Variants in THOC2 observed in about 807,000 individuals in gnomAD.
THOC2 encodes THO complex 2.
Under a neutral mutation model 128.4 loss-of-function variants are expected in THOC2, and 10 were observed. The ratio of observed to expected loss-of-function variants is 0.08; its 90% confidence interval spans 0.05 to 0.13. The LOEUF (loss-of-function observed/expected upper bound fraction) is 0.13. THOC2 is among the 10% of genes least tolerant of loss of function. THOC2 has a pLI of 1.00. For missense variants in THOC2, 535 were observed against 1,155.7 expected (o/e 0.46, Z 7.79); for synonymous variants, 393 against 396.9 (o/e 0.99, Z 0.12).
At chrX:123,662,079 T>C (rs16997466) in intron 12 of THOC2, among the ~76,000 whole-genome samples, 2,859 of 112,336 alleles carry the variant, frequency 0.025, 82 homozygotes, top group African/African-American at 0.087. Context: ...ACAATAGCCG[T>C]TAGTATTTCT....
At chrX:123,656,330 TAAA>T (rs758091588) in intron 12 of THOC2, among the ~76,000 whole-genome samples, 3 of 37,963 alleles carry the variant, frequency 7.9e-5, no homozygotes, top group African/African-American at 2.1e-4. Flanking sequence ...AGACTCCGTC[TAAA>T]AAAAAAAAAA....
intron 38 of THOC2, among the ~76,000 whole-genome samples, chrX:123,609,179 C>T (rs1055854666): frequency 9.0e-6 from 1 of 111,685 alleles, no homozygotes; most frequent in African/African-American, 3.3e-5. Flanking sequence ...CATGTGACAG[C>T]AAAATGCCAG....
At chrX:123,716,763 T>A (rs1372955752) in intron 1 of THOC2, among the ~76,000 whole-genome samples, 1 of 102,185 alleles carries the variant, frequency 9.8e-6, no homozygotes, top group Admixed American at 1.1e-4. Context: ...CCGAGTGTGA[T>A]GGCGTGCGTC....
chrX:123,675,134 T>C (rs2049433948), intron 8 of THOC2, among the ~76,000 whole-genome samples: 1 of 112,406 alleles, frequency 8.9e-6, no homozygotes, highest in African/African-American at 3.2e-5. Context: ...ACCAGTGTTC[T>C]TTCTTTGGCT....
intron 1 of THOC2, among the ~76,000 whole-genome samples, chrX:123,722,406 T>C (rs2051742656): frequency 9.0e-6 from 1 of 111,675 alleles, no homozygotes; most frequent in South Asian, 3.8e-4. Flanking sequence ...GATGAGTTCA[T>C]GTCCTTTGCA....
intron 9 of THOC2, among the ~76,000 whole-genome samples, chrX:123,669,505 G>A (rs192006122): frequency 9.1e-6 from 1 of 110,336 alleles, no homozygotes; most frequent in Admixed American, 9.7e-5. Flanking sequence ...TAGTAGAGAT[G>A]GGATTTCAGC....
chrX:123,608,380 G>A (rs1167558139), intron 38 of THOC2, among the ~76,000 whole-genome samples: 16 of 100,464 alleles, frequency 1.6e-4, no homozygotes, highest in Non-Finnish European at 4.0e-5. Context: ...CAGCCTGGGC[G>A]ACAGAGTGAG....
intron 1 of THOC2, among the ~76,000 whole-genome samples, chrX:123,716,219 A>T (rs746878805): frequency 9.0e-4 from 102 of 113,028 alleles, no homozygotes; most frequent in Non-Finnish European, 1.7e-3. Flanking sequence ...AAATCACTTG[A>T]TCATCTCATT....
chrX:123,663,873 T>C (rs755797677), intron 12 of THOC2, among the ~76,000 whole-genome samples: 76 of 111,325 alleles, frequency 6.8e-4, no homozygotes, highest in Non-Finnish European at 1.3e-3. Flanking sequence ...ATGCGGTGTT[T>C]GGTTTTTTGT....
At chrX:123,636,257 A>C in intron 18 of THOC2, 82 bp from the exon 19 acceptor site, 1 of 695,886 alleles carries the variant, frequency 1.4e-6, no homozygotes, top group Non-Finnish European at 2.2e-6. Flanking sequence ...CTAAAACAAA[A>C]TGAGGTAGCA....
intron 12 of THOC2, among the ~76,000 whole-genome samples, chrX:123,655,025 C>T (rs770264864): frequency 1.1e-4 from 12 of 110,555 alleles, no homozygotes; most frequent in Non-Finnish European, 1.7e-4. Flanking sequence ...ATCTATTTTT[C>T]GTATCCCTGC....
At chrX:123,661,373 C>G (rs190317587) in intron 12 of THOC2, among the ~76,000 whole-genome samples, 1 of 110,170 alleles carries the variant, frequency 9.1e-6, no homozygotes, top group African/African-American at 3.3e-5. Flanking sequence ...CCATTGCACT[C>G]CAGCCTGGGC....
At chrX:123,688,933 T>C (rs1240221589) in intron 7 of THOC2, among the ~76,000 whole-genome samples, 5 of 111,547 alleles carry the variant, frequency 4.5e-5, no homozygotes, top group Admixed American at 9.5e-5. Context: ...ATTAAATCAC[T>C]AAATAAAAAT....
chrX:123,701,714 C>G (rs2050713652), intron 4 of THOC2, among the ~76,000 whole-genome samples: 2 of 108,325 alleles, frequency 1.8e-5, no homozygotes, highest in African/African-American at 6.7e-5. Context: ...AAGGTAATAT[C>G]TTTAGTGCCT....
intron 37 of THOC2, 151 bp downstream of exon 37, chrX:123,611,289 C>T: frequency 6.7e-6 from 3 of 450,918 alleles, no homozygotes; most frequent in Non-Finnish European, 1.1e-5. Context: ...TTCCAGATTT[C>T]ACACATTTTG....
At chrX:123,642,127 TAG>T (rs2047939064) in intron 15 of THOC2, among the ~76,000 whole-genome samples, 1 of 112,200 alleles carries the variant, frequency 8.9e-6, no homozygotes, top group Non-Finnish European at 1.9e-5. Context: ...AAGGTCAGTG[TAG>T]AAATATAAGG....
chrX:123,615,705 G>C (rs1339316173), intron 33 of THOC2, among the ~76,000 whole-genome samples: 1 of 105,980 alleles, frequency 9.4e-6, no homozygotes, highest in Non-Finnish European at 2.0e-5. Context: ...ATGAAGTTTT[G>C]AACTGTGCTT....
At chrX:123,686,224 T>C (rs904259951) in intron 8 of THOC2, among the ~76,000 whole-genome samples, 6 of 111,024 alleles carry the variant, frequency 5.4e-5, no homozygotes, top group African/African-American at 2.0e-4. Flanking sequence ...ACATTGTTCG[T>C]TACTCATGCA....
intron 33 of THOC2, among the ~76,000 whole-genome samples, chrX:123,614,695 G>T (rs941473181): frequency 1.8e-5 from 2 of 111,519 alleles, no homozygotes; most frequent in Admixed American, 9.5e-5. Context: ...TTCTGCCTCA[G>T]TGTGAACCAT....
Sources: allele counts gnomAD v4.1 joint callset (sites outside exome capture counted in the v4.1 genomes callset), GRCh38; gene constraint gnomAD v4.1.1; transcripts MANE v1.5; gene names NCBI Gene and HGNC (gene_info 2026-07-23, HGNC 2026-07-21).